Variants in TOPAZ1 observed in about 807,000 individuals in gnomAD.
TOPAZ1 encodes protein TOPAZ1.
TOPAZ1 carries 66 observed loss-of-function variants against 172.2 expected under a neutral mutation model. The ratio of observed to expected loss-of-function variants is 0.38; its 90% CI spans 0.31 to 0.47. The LOEUF (loss-of-function observed/expected upper bound fraction) is 0.47. Ranked by LOEUF, TOPAZ1 falls within the 20% of genes least tolerant of loss-of-function variation. The probability of loss-of-function intolerance (pLI) is 0.99; values close to 1 mark genes in which losing one functional copy is unlikely to be tolerated. For synonymous variants in TOPAZ1, 681 were observed against 683.9 expected, an observed-to-expected ratio of 1.00 and a Z score of 0.07; for missense variants, 1,822 against 1,972.4, an observed-to-expected ratio of 0.92 and a Z score of 1.44.
chr3:44,243,219 G>C lies in TOPAZ1; in HGVS notation c.713G>C (p.Cys238Ser), dbSNP rs1317023799. The change falls in exon 2 of 20, where the codon TGT becomes TCT. Residue 238 changes from cysteine (C) to serine (S), a missense_variant. Transcript: ENST00000309765. Reference protein sequence around the residue: ...DCNCFPHSKGCNDENNLPYKP... With the variant: ...DCNCFPHSKGSNDENNLPYKP... Reference sequence around the variant, plus strand: ...AATTGTTTCCCCCATTCCAAGGGTTGTAATGATGAAAACAACCTGCCATAT... The same window carrying C: ...AATTGTTTCCCCCATTCCAAGGGTTCTAATGATGAAAACAACCTGCCATAT... The C allele has an allele frequency of 1.3e-6, 2 of 1,549,890 alleles. No homozygotes were observed. Among genetic ancestry groups the C allele is most frequent in the Admixed American group, 2.0e-5 (1 of 50,710 alleles).
At chr3:44,300,567 T>C (rs1316738168) in intron 12 of TOPAZ1, among the ~76,000 whole-genome samples, 2 of 152,182 alleles carry the variant, frequency 1.3e-5, no homozygotes, top group African/African-American at 4.8e-5. Context: ...ATATGAGATA[T>C]CACCACACAC....
At chr3:44,273,213 CAAAT>C (rs1431547139) in intron 8 of TOPAZ1, among the ~76,000 whole-genome samples, 1 of 152,172 alleles carries the variant, frequency 6.6e-6, no homozygotes, top group Non-Finnish European at 1.5e-5. Context: ...TTTTAATGCT[CAAAT>C]AAACTCTATT....
At chr3:44,297,350 T>G (rs924822383) in intron 12 of TOPAZ1, among the ~76,000 whole-genome samples, 3 of 151,530 alleles carry the variant, frequency 2.0e-5, no homozygotes, top group Admixed American at 1.3e-4. Flanking sequence ...TATTTGAAAA[T>G]CAATGTAATT....
intron 18 of TOPAZ1, among the ~76,000 whole-genome samples, chr3:44,325,993 G>C (rs1315628247): frequency 6.6e-6 from 1 of 152,108 alleles, no homozygotes; most frequent in African/African-American, 2.4e-5. Context: ...CAGTGTTGTA[G>C]CATGTATCAA....
Position 44,328,302 on chromosome 3 carries a change from ACTT to A in TOPAZ1, c.4734_4736del (p.Leu1579del), listed in dbSNP as rs1252939785. 2.6e-5 allele frequency: 39 copies of A among 1,511,356 alleles called. No individual in the cohort carries two copies. Among genetic ancestry groups the A allele is most frequent in the Middle Eastern group, 1.7e-4 (1 of 5,930 alleles). 93.6% of individuals were successfully genotyped at this position (1,511,356 alleles called of 1,614,324 possible). A position where few individuals can be genotyped will look rare whatever the true frequency, so the allele number is the denominator to read the frequency against. On this transcript the variant is annotated inframe_deletion, in exon 19 of 20. Transcript: ENST00000309765. ...CATTGGAAGGAAATTTATACCGAAA[ACTT>A]CTTCTAATTCCATCTTATTTATCTG...
At chr3:44,257,479 T>A (rs1699728034) in intron 4 of TOPAZ1, among the ~76,000 whole-genome samples, 1 of 38,908 alleles carries the variant, frequency 2.6e-5, no homozygotes, top group African/African-American at 7.2e-5. Flanking sequence ...AGTGTGTGTG[T>A]GTGTGTGTGT....
intron 12 of TOPAZ1, among the ~76,000 whole-genome samples, chr3:44,300,030 C>T: frequency 6.6e-6 from 1 of 150,450 alleles, no homozygotes; most frequent in Admixed American, 6.6e-5. Context: ...TGCAGCACAC[C>T]AGCATGGCAC....
At chr3:44,246,771 G>A (rs1426405145) in intron 2 of TOPAZ1, among the ~76,000 whole-genome samples, 1 of 152,068 alleles carries the variant, frequency 6.6e-6, no homozygotes, top group African/African-American at 2.4e-5. Context: ...TGACCTTTTA[G>A]GCAAATTATT....
intron 12 of TOPAZ1, among the ~76,000 whole-genome samples, chr3:44,302,477 G>A (rs529961830): frequency 8.5e-5 from 13 of 152,180 alleles, no homozygotes; most frequent in African/African-American, 2.2e-4. Flanking sequence ...CACCTTCATC[G>A]TATACTAAAT....
intron 2 of TOPAZ1, among the ~76,000 whole-genome samples, chr3:44,246,005 C>A (rs904122117): frequency 1.3e-5 from 2 of 152,030 alleles, no homozygotes; most frequent in South Asian, 2.1e-4. Flanking sequence ...CCTCCTTGTT[C>A]GATAAAAAGT....
In TOPAZ1 at chr3:44,243,535, A is replaced by T. The variant is rs1699515572; in HGVS notation, c.1029A>T (p.Thr343=). Residue 343 remains threonine, a synonymous_variant, in exon 2 of 20, where the codon ACA becomes ACT. Transcript: ENST00000309765. ...RMKLSEKADE[T]VTEMNFSNEY... ...AGTTGTCTGAAAAAGCAGATGAAAC[A>T]GTTACTGAGATGAACTTCTCTAATG... is the stretch of plus-strand genomic sequence containing the variant. The T allele has an allele frequency of 1.3e-6, 2 of 1,551,566 alleles. No homozygotes were observed. Among genetic ancestry groups the T allele is most frequent in the South Asian group, 1.2e-5 (1 of 84,030 alleles).
chr3:44,274,236 C>T (rs1699927841), intron 8 of TOPAZ1, among the ~76,000 whole-genome samples: 1 of 151,248 alleles, frequency 6.6e-6, no homozygotes, highest in Admixed American at 6.6e-5. Flanking sequence ...AAAGTGAAAC[C>T]CCATCTCTAC....
intron 6 of TOPAZ1, among the ~76,000 whole-genome samples, chr3:44,268,744 T>A (rs1699860321): frequency 1.3e-5 from 2 of 152,136 alleles, no homozygotes; most frequent in South Asian, 4.1e-4. Context: ...TTTGACCTCA[T>A]TTAACCTGAT....
intron 2 of TOPAZ1, among the ~76,000 whole-genome samples, chr3:44,251,783 T>C (rs13067367): frequency 0.48 from 72,547 of 151,908 alleles, 18,204 homozygotes; most frequent in East Asian, 0.81. Context: ...CCTTTTTACT[T>C]AGATCTTCTC....
chr3:44,312,501 A>G (rs1168378956), intron 16 of TOPAZ1, among the ~76,000 whole-genome samples: 1 of 152,206 alleles, frequency 6.6e-6, no homozygotes, highest in Admixed American at 6.5e-5. Flanking sequence ...AGATGGAGTT[A>G]CATACATTAC....
Position 44,248,099 on chromosome 3 carries a change from A to G in TOPAZ1, c.2765+2828A>G, listed in dbSNP as rs190749849. Among the ~76,000 whole-genome samples, 51 of 152,296 alleles carry G rather than the reference A, an allele frequency of 3.3e-4. 1 individual carries two copies. The East Asian group carries it at 4.4e-3, about 13-fold the overall frequency. ...CAGGTTGTCTGTGTGTAAAATTCTT[A>G]GTTTACATATTTCCCCCTCACAATT... is the stretch of plus-strand genomic sequence containing the variant. On this transcript the variant is annotated intron_variant, in intron 2 of 19. Transcript: ENST00000309765.
chr3:44,254,753 C>T (rs569114830), intron 2 of TOPAZ1, among the ~76,000 whole-genome samples: 178 of 151,948 alleles, frequency 1.2e-3, no homozygotes, highest in Non-Finnish European at 1.9e-3. Context: ...AGTGGCAGCA[C>T]CCCCTAACAG....
intron 15 of TOPAZ1, among the ~76,000 whole-genome samples, chr3:44,308,747 CTACTT>C (rs1043843000): frequency 6.6e-6 from 1 of 151,992 alleles, no homozygotes; most frequent in African/African-American, 2.4e-5. Context: ...AAAATTTTAA[CTACTT>C]TAGAAAATTA....
intron 2 of TOPAZ1, among the ~76,000 whole-genome samples, chr3:44,251,299 T>C (rs1699627873): frequency 6.6e-6 from 1 of 152,114 alleles, no homozygotes; most frequent in Admixed American, 6.6e-5. Flanking sequence ...GTTTTTCTCT[T>C]TTTGTAGAGA....
Sources: allele counts gnomAD v4.1 joint callset (sites outside exome capture counted in the v4.1 genomes callset), GRCh38; gene constraint gnomAD v4.1.1; transcripts MANE v1.5; gene names NCBI Gene and HGNC (gene_info 2026-07-23, HGNC 2026-07-21).